The following EXOC4 variants were observed in gnomAD, a reference collection of about 807,000 sequenced individuals.
EXOC4 encodes exocyst complex component 4, also known as SEC8-like 1.
Under a neutral mutation model 107.2 loss-of-function variants are expected in EXOC4, and 71 were observed. That is an observed-to-expected ratio of 0.66 (90% confidence interval 0.55 to 0.81). The LOEUF (loss-of-function observed/expected upper bound fraction) is 0.81. Among genes scored for constraint, EXOC4 ranks in the 30% least tolerant of loss-of-function variants. The pLI, the probability that EXOC4 is intolerant of heterozygous loss-of-function variation, is 0.00. For missense variants in EXOC4, 1,108 were observed against 1,189.6 expected (o/e 0.93, Z 1.01); for synonymous variants, 456 against 441.2 (o/e 1.03, Z -0.42).
At chr7:133,898,619 G>A (rs184129043) in intron 12 of EXOC4, among the ~76,000 whole-genome samples, 3,117 of 151,878 alleles carry the variant, frequency 0.021, 106 homozygotes, top group African/African-American at 0.067. Flanking sequence ...TGGTGGCAGC[G>A]CCTGTAGTCC....
At chr7:133,256,627 G>A (rs1384042396) in intron 1 of EXOC4, among the ~76,000 whole-genome samples, 2 of 152,142 alleles carry the variant, frequency 1.3e-5, no homozygotes, top group Admixed American at 1.3e-4. Context: ...TGAATAGTGA[G>A]TATTAAAAAT....
intron 10 of EXOC4, among the ~76,000 whole-genome samples, chr7:133,779,728 G>C (rs1186066021): frequency 6.6e-6 from 1 of 152,170 alleles, no homozygotes; most frequent in African/African-American, 2.4e-5. Flanking sequence ...TAGCTAGCTA[G>C]AGATTTGTAA....
intron 10 of EXOC4, among the ~76,000 whole-genome samples, chr7:133,816,220 A>G (rs1797365337): frequency 6.6e-6 from 1 of 152,236 alleles, no homozygotes; most frequent in Admixed American, 6.5e-5. Context: ...TATTTAAACT[A>G]TGTAATTGAT....
chr7:133,421,869 A>AT (rs1245015888), intron 7 of EXOC4, among the ~76,000 whole-genome samples: 2 of 152,116 alleles, frequency 1.3e-5, no homozygotes, highest in Non-Finnish European at 2.9e-5. Flanking sequence ...GTCATTGAGC[A>AT]TTTTTTCAGG....
chr7:133,667,031 T>G (rs1793832728), intron 10 of EXOC4, among the ~76,000 whole-genome samples: 1 of 152,156 alleles, frequency 6.6e-6, no homozygotes, highest in South Asian at 2.1e-4. Context: ...CCATTCTCTC[T>G]TAGCACTTCC....
chr7:133,807,531 A>T (rs961996716), intron 10 of EXOC4, among the ~76,000 whole-genome samples: 1 of 152,146 alleles, frequency 6.6e-6, no homozygotes, highest in African/African-American at 2.4e-5. Flanking sequence ...CAGGTGTATG[A>T]TGGATATTTT....
At chr7:133,538,853 AAGAAAGAGAGAGAGAG>A (rs1326103069) in intron 9 of EXOC4, among the ~76,000 whole-genome samples, 1 of 52,854 alleles carries the variant, frequency 1.9e-5, no homozygotes, top group Non-Finnish European at 5.2e-5. Context: ...GAAAGAAAGA[AAGAAAGAGAGAGAGAG>A]AGAGAGAGAG....
intron 14 of EXOC4, among the ~76,000 whole-genome samples, chr7:133,985,090 C>T (rs1244565406): frequency 6.6e-6 from 1 of 151,974 alleles, no homozygotes; most frequent in Non-Finnish European, 1.5e-5. Flanking sequence ...CTTTTCTTCC[C>T]CCAAGAGTTA....
In EXOC4 at chr7:133,253,132, A is replaced by G. The variant is rs2150493182; in HGVS notation, c.31A>G (p.Arg11Gly). 6.2e-7 allele frequency: 1 copy of G among 1,614,210 alleles called. No individual in the cohort carries two copies. Residue 11 changes from arginine (R) to glycine (G), a missense_variant, in exon 1 of 18, where the codon AGA becomes GGA. Arg to Gly is a moderately radical substitution (Grantham distance 125, BLOSUM62 -2). Coordinates refer to ENST00000253861, the MANE Select transcript of EXOC4 (RefSeq NM_021807.4). The stretch of plus-strand genomic sequence containing the variant: ...GGCAGAAGCAGCTGGTGGGAAATAC[A>G]GAAGCACAGTCAGCAAAAGCAAAGA... Reference protein sequence around the residue: MAAEAAGGKYRSTVSKSKDPS... With the variant: MAAEAAGGKYGSTVSKSKDPS...
chr7:134,039,211 C>G (rs966101841), intron 17 of EXOC4, among the ~76,000 whole-genome samples: 5 of 152,080 alleles, frequency 3.3e-5, no homozygotes, highest in Admixed American at 6.5e-5. Flanking sequence ...ATGGTATACA[C>G]CTACGTAAGG....
chr7:134,020,104 C>T (rs1019905081), intron 17 of EXOC4, among the ~76,000 whole-genome samples: 12 of 152,156 alleles, frequency 7.9e-5, no homozygotes, highest in Non-Finnish European at 1.5e-4. Context: ...TGAGCAGCAC[C>T]ATCATTAATC....
chr7:133,261,895 G>A (rs1795161614), intron 1 of EXOC4, among the ~76,000 whole-genome samples: 1 of 152,042 alleles, frequency 6.6e-6, no homozygotes, highest in South Asian at 2.1e-4. Context: ...TTATTTTCCT[G>A]GCCTTGGGTA....
chr7:134,065,903 G>A (rs1796168591), downstream of EXOC4: 1 of 152,142 alleles, frequency 6.6e-6, no homozygotes, highest in African/African-American at 2.4e-5. Flanking sequence ...GAACTGGACT[G>A]GAGCCAAAAA....
chr7:134,079,994 G>A, the EXOC4 span, among the ~76,000 whole-genome samples: 3 of 152,182 alleles, frequency 2.0e-5, no homozygotes, highest in Non-Finnish European at 4.4e-5. Flanking sequence ...AGTCCATCCA[G>A]CTTATGCTAT....
At chr7:133,895,489 T>G (rs891853774) in intron 11 of EXOC4, 110 bp from the exon 12 acceptor site, 432 of 1,122,188 alleles carry the variant, frequency 3.8e-4, no homozygotes, top group Non-Finnish European at 5.2e-4. Flanking sequence ...TGTCACATTC[T>G]TGCAGGAGAG....
chr7:133,833,841 A>G (rs1797862241), intron 11 of EXOC4, among the ~76,000 whole-genome samples: 1 of 152,196 alleles, frequency 6.6e-6, no homozygotes, highest in African/African-American at 2.4e-5. Context: ...TTGGATTTAT[A>G]GATGCAAGTC....
At chr7:133,871,193 C>T (rs1563036669) in intron 11 of EXOC4, among the ~76,000 whole-genome samples, 3 of 151,806 alleles carry the variant, frequency 2.0e-5, no homozygotes, top group South Asian at 4.2e-4. Flanking sequence ...GTTATTATAC[C>T]TTATTACTGT....
intron 9 of EXOC4, chr7:133,480,745 A>G (rs1394971307): frequency 1.3e-5 from 2 of 152,142 alleles, no homozygotes; most frequent in Admixed American, 6.6e-5. Flanking sequence ...TGATCATGTA[A>G]ATGTAATGAG....
chr7:133,927,715 A>T (rs1313661109), intron 13 of EXOC4, among the ~76,000 whole-genome samples: 3 of 152,234 alleles, frequency 2.0e-5, no homozygotes, highest in Admixed American at 6.5e-5. Context: ...GTGCAAGAGT[A>T]AAAAATGCTT....
Sources: gnomAD v4.1 joint callset for allele counts (sites outside exome capture counted in the v4.1 genomes callset) on GRCh38, gnomAD v4.1.1 for gene constraint, MANE v1.5 for transcripts, NCBI Gene and HGNC (gene_info 2026-07-23, HGNC 2026-07-21) for gene names.